TAS1R2: variants seen among roughly 807,000 people sequenced by gnomAD.
The protein encoded by TAS1R2 is taste 1 receptor member 2.
Under a neutral mutation model 49.3 loss-of-function variants are expected in TAS1R2, and 47 were observed. The ratio of observed to expected loss-of-function variants is 0.95; its 90% CI spans 0.75 to 1.22. TAS1R2 has a LOEUF of 1.22. Ranked by LOEUF, TAS1R2 falls within the 50% of genes most tolerant of loss-of-function variation. The probability of loss-of-function intolerance (pLI) is 0.00; values close to 1 mark genes in which losing one functional copy is unlikely to be tolerated. For synonymous variants in TAS1R2, 479 were observed against 467.9 expected (o/e 1.02, Z -0.31); for missense variants, 1,155 against 1,122.1 (o/e 1.03, Z -0.42).
chr1:18,858,866 C>T (rs867985021), intron 1 of TAS1R2, among the ~76,000 whole-genome samples: 2 of 152,214 alleles, frequency 1.3e-5, no homozygotes, highest in Admixed American at 6.5e-5. Context: ...TTCTTCCTTT[C>T]TCCTTGTCTC....
At chr1:18,858,099 ACCACCATCACCACCACCATTT>A (rs1406340908) in intron 1 of TAS1R2, among the ~76,000 whole-genome samples, 1 of 151,890 alleles carries the variant, frequency 6.6e-6, no homozygotes, top group African/African-American at 2.4e-5. Context: ...AGCCATCATC[ACCACCATCACCACCACCATTT>A]CCACCATCAC....
exon 6 of TAS1R2, chr1:18,839,921 C>T (rs1490079777): frequency 6.2e-7 from 1 of 1,614,192 alleles, no homozygotes; most frequent in East Asian, 2.2e-5. Flanking sequence ...CAGGTCCAGG[C>T]TGGTGTTGAA....
chr1:18,849,314 G>A (rs1350294313), intron 4 of TAS1R2, 27 bp downstream of exon 4: 2 of 1,611,938 alleles, frequency 1.2e-6, no homozygotes, highest in South Asian at 1.1e-5. Flanking sequence ...CCCCAGGCCT[G>A]CCCACCCACC....
chr1:18,857,813 A>T (rs988459357), intron 1 of TAS1R2, among the ~76,000 whole-genome samples, 182 bp from the exon 2 acceptor site: 1 of 152,108 alleles, frequency 6.6e-6, no homozygotes, highest in East Asian at 1.9e-4. Context: ...CTCTAGGGTC[A>T]CCATTGCCCA....
At chr1:18,839,889 T>G in exon 6 of TAS1R2, 1 of 1,614,216 alleles carries the variant, frequency 6.2e-7, no homozygotes, top group Non-Finnish European at 8.5e-7. Flanking sequence ...TAGGCGAAGC[T>G]GAAACCCACC....
chr1:18,855,925 C>T (rs926915184), intron 2 of TAS1R2, among the ~76,000 whole-genome samples: 10 of 152,158 alleles, frequency 6.6e-5, no homozygotes, highest in African/African-American at 1.9e-4. Flanking sequence ...TGCCTACCAG[C>T]TCCCCACTCC....
At position 18,840,975 on chromosome 1, in the gene TAS1R2, C is replaced by T. The variant is rs189259738; in HGVS notation, c.1592-448G>A. Among the ~76,000 whole-genome samples, 315 of 152,342 alleles carry T rather than the reference C, an allele frequency of 2.1e-3. 2 individuals carry two copies. The highest frequency in any genetic ancestry group is 6.3e-3 in the African/African-American group (261 of 41,566). ...ACAGAGAGATGGATAAAACCCAGCC[C>T]TCACCTCGCCGCTATTGACTGACTG... is the stretch of plus-strand genomic sequence containing the variant. On this transcript the variant is annotated intron_variant, in intron 5 of 5. Transcript: ENST00000375371.
chr1:18,849,400 G>T, exon 4 of TAS1R2: 1 of 1,614,196 alleles, frequency 6.2e-7, no homozygotes, highest in Non-Finnish European at 8.5e-7. Flanking sequence ...CGCTGCAGGG[G>T]GTAGTAGGAG....
chr1:18,841,981 G>GTT, intron 4 of TAS1R2, 129 bp from the exon 5 acceptor site: 23 of 361,458 alleles, frequency 6.4e-5, no homozygotes, highest in Non-Finnish European at 8.3e-5. Context: ...GGTGGAAACT[G>GTT]TAGAAAAAAA....
exon 6 of TAS1R2, chr1:18,839,718 G>A: frequency 6.2e-7 from 1 of 1,614,266 alleles, no homozygotes; most frequent in South Asian, 1.1e-5. Flanking sequence ...CTGATGGCCA[G>A]GAGGTTGAGC....
chr1:18,846,268 G>T (rs1933918850), intron 4 of TAS1R2, among the ~76,000 whole-genome samples: 1 of 152,212 alleles, frequency 6.6e-6, no homozygotes, highest in South Asian at 2.1e-4. Flanking sequence ...ACCAGGTGAT[G>T]GGAGCTAGTG....
chr1:18,839,956 G>A, exon 6 of TAS1R2: 1 of 1,614,198 alleles, frequency 6.2e-7, no homozygotes, highest in South Asian at 1.1e-5. Flanking sequence ...GGTAGTTGGG[G>A]TTACAGGAGA....
chr1:18,849,413 G>A (rs374409291), exon 4 of TAS1R2: 113 of 1,614,112 alleles, frequency 7.0e-5, no homozygotes, highest in Non-Finnish European at 8.6e-5. Context: ...AGTAGGAGGC[G>A]ACGCTCTGGA....
exon 5 of TAS1R2, chr1:18,841,787 G>A (rs139909249): frequency 8.1e-6 from 13 of 1,613,992 alleles, no homozygotes; most frequent in South Asian, 3.3e-5. Context: ...AGCAGCAGAC[G>A]TGGATGCCCA....
exon 6 of TAS1R2, chr1:18,840,453 G>A (rs1477801532): frequency 6.2e-7 from 1 of 1,614,192 alleles, no homozygotes; most frequent in Non-Finnish European, 8.5e-7. Context: ...AGGAAGACCA[G>A]CTGCCGCTTG....
chr1:18,840,247 C>T (rs112760365), exon 6 of TAS1R2: 58 of 1,613,988 alleles, frequency 3.6e-5, no homozygotes, highest in African/African-American at 2.5e-4. Flanking sequence ...AGACCTTGGG[C>T]GGCCCCACGT....
chr1:18,859,388 GTCCTGGTCTGGC>G, intron 1 of TAS1R2, 79 bp downstream of exon 1: 1 of 1,497,968 alleles, frequency 6.7e-7, no homozygotes, highest in Non-Finnish European at 9.2e-7. Context: ...TAAGCCCTTG[GTCCTGGTCTGGC>G]TCCCAAGGAC....
In TAS1R2 at chr1:18,854,165, G is replaced by A. The variant is rs768712669; in HGVS notation, c.1257+48C>T. ...CACCCATTTGCCCAGAACCCCAGGG[G>A]AGGAGGATGGAGGTGCCCTGCAGAC... On this transcript the variant is annotated intron_variant, in intron 3 of 5. Coordinates refer to ENST00000375371, the Ensembl canonical transcript of TAS1R2. This position sits in a 1 kb window ranked among gnomAD's most constrained non-coding sequence, Gnocchi z 4.9. 2.4e-5 allele frequency: 37 copies of A among 1,569,906 alleles called. No homozygotes were observed. The South Asian group carries it at 3.8e-4, about 16-fold the overall frequency.
chr1:18,858,592 C>T (rs570040338), intron 1 of TAS1R2: 1 of 152,492 alleles, frequency 6.6e-6, no homozygotes, highest in Admixed American at 6.5e-5. Context: ...ACCATTACCA[C>T]TATCATCATC....
Sources: gnomAD v4.1 joint callset for allele counts (sites outside exome capture counted in the v4.1 genomes callset) on GRCh38, gnomAD v4.1.1 for gene constraint, Gnocchi (gnomAD v3.1) non-coding constraint, MANE v1.5 for transcripts, NCBI Gene and HGNC (gene_info 2026-07-23, HGNC 2026-07-21) for gene names.